The following PLXDC2 variants were observed in gnomAD, a reference collection of about 807,000 sequenced individuals.
PLXDC2 encodes plexin domain-containing protein 2.
PLXDC2 carries 40 observed loss-of-function variants against 68.9 expected under a neutral mutation model. That is an observed-to-expected ratio of 0.58 (90% confidence interval 0.45 to 0.76). The LOEUF (loss-of-function observed/expected upper bound fraction) is 0.76, where lower values mean the gene tolerates loss of function less well. Among genes scored for constraint, PLXDC2 ranks in the 30% least tolerant of loss-of-function variants. The pLI is 0.00. For synonymous variants in PLXDC2, 243 were observed against 234.2 expected (o/e 1.04, Z -0.34); for missense variants, 644 against 661.9 (o/e 0.97, Z 0.30).
At chr10:19,882,215 C>T (rs1023558045) in intron 1 of PLXDC2, among the ~76,000 whole-genome samples, 2 of 152,170 alleles carry the variant, frequency 1.3e-5, no homozygotes, top group South Asian at 2.1e-4. Flanking sequence ...CTTGTTTTTC[C>T]TCCTAAGATC....
intron 1 of PLXDC2, among the ~76,000 whole-genome samples, chr10:19,994,460 C>A (rs1356889511): frequency 6.6e-6 from 1 of 151,296 alleles, no homozygotes; most frequent in Non-Finnish European, 1.5e-5. Flanking sequence ...TCCCACATAG[C>A]TGGGACTGCA....
chr10:20,229,369 A>G (rs1171649426), intron 12 of PLXDC2, among the ~76,000 whole-genome samples: 2 of 152,126 alleles, frequency 1.3e-5, no homozygotes, highest in African/African-American at 4.8e-5. Context: ...CCAACTGCTG[A>G]TGTGTAAAAG....
At chr10:20,168,553 A>G (rs1423574251) in intron 7 of PLXDC2, among the ~76,000 whole-genome samples, 2 of 152,152 alleles carry the variant, frequency 1.3e-5, no homozygotes, top group East Asian at 1.9e-4. Flanking sequence ...ATGTCTCTTC[A>G]TAAGACTTAT....
chr10:20,047,467 A>G (rs771014707), intron 3 of PLXDC2, among the ~76,000 whole-genome samples: 2 of 152,148 alleles, frequency 1.3e-5, no homozygotes, highest in African/African-American at 4.8e-5. Context: ...ACATATATAG[A>G]CCAAATTATG....
Position 20,058,100 on chromosome 10 carries a change from G to T in PLXDC2, c.472-10070G>T, listed in dbSNP as rs1038350023. 9.9e-5 allele frequency among the ~76,000 whole-genome samples: 15 copies of T among 152,162 alleles called. No individual in the cohort carries two copies. In the East Asian group the frequency reaches 1.4e-3, roughly 14 times the overall value. ...CAGCAATTGAATTTTGAATTATTTA[G>T]TCACTTCGCTCATGAACTTTACCCA... is the stretch of plus-strand genomic sequence containing the variant. On this transcript the variant is annotated intron_variant, in intron 3 of 13. Transcript: ENST00000377252.
chr10:20,024,591 A>G (rs1023652373), intron 2 of PLXDC2, among the ~76,000 whole-genome samples: 1 of 152,060 alleles, frequency 6.6e-6, no homozygotes, highest in African/African-American at 2.4e-5. Flanking sequence ...TTCTTTTTTA[A>G]AAAATAATTT....
intron 9 of PLXDC2, among the ~76,000 whole-genome samples, 168 bp downstream of exon 9, chr10:20,177,577 C>T (rs1345772736): frequency 6.6e-6 from 1 of 151,978 alleles, no homozygotes; most frequent in Non-Finnish European, 1.5e-5. Flanking sequence ...TCAGCCTGGG[C>T]AACATAGCAA....
Position 20,245,359 on chromosome 10 carries a change from A to G in PLXDC2, c.1327A>G (p.Ser443Gly), listed in dbSNP as rs1194616906. ...LKDNGASTDD[S>G]AAEKKGGTLH... is the part of the protein sequence containing the mutation. ...TGTTCTTTCAGCTTCTACAGATGAC[A>G]GTGCAGCTGAGAAGAAAGGGGGAAC... is the stretch of plus-strand genomic sequence containing the variant. The change falls in exon 13 of 14, where the codon AGT (serine) becomes GGT (glycine). Residue 443 changes from serine (S) to glycine (G), a missense_variant. Coordinates refer to ENST00000377252, the MANE Select transcript of PLXDC2 (RefSeq NM_032812.9). 3.1e-6 allele frequency: 5 copies of G among 1,612,236 alleles called. No homozygotes were observed. The Admixed American group carries it at 8.4e-5, about 27-fold the overall frequency.
At chr10:20,077,218 A>T (rs76196764) in intron 4 of PLXDC2, among the ~76,000 whole-genome samples, 2,493 of 152,240 alleles carry the variant, frequency 0.016, 65 homozygotes, top group African/African-American at 0.056. Context: ...TAAAGATCCA[A>T]CCCCAAATGC....
chr10:20,053,838 G>A (rs976358816), intron 3 of PLXDC2, among the ~76,000 whole-genome samples: 3 of 151,938 alleles, frequency 2.0e-5, no homozygotes, highest in Middle Eastern at 3.2e-3. Context: ...TGGAAGAAAG[G>A]GGGTAAAAAT....
intron 2 of PLXDC2, 126 bp from the exon 3 acceptor site, chr10:20,046,743 G>C (rs1283963968): frequency 1.1e-6 from 1 of 905,140 alleles, no homozygotes; most frequent in African/African-American, 1.7e-5. Context: ...ACTTCTCCTA[G>C]AGTATAGTTA....
At chr10:19,939,752 A>G (rs1833786345) in intron 1 of PLXDC2, among the ~76,000 whole-genome samples, 2 of 152,292 alleles carry the variant, frequency 1.3e-5, no homozygotes, top group South Asian at 4.1e-4. Context: ...TGGAAAGGAA[A>G]ATGGAACACA....
At chr10:20,148,795 T>A (rs1350802933) in intron 6 of PLXDC2, among the ~76,000 whole-genome samples, 1 of 152,142 alleles carries the variant, frequency 6.6e-6, no homozygotes, top group East Asian at 1.9e-4. Flanking sequence ...ACTTTTTCCT[T>A]GAGAATTGAA....
At chr10:20,011,779 C>T (rs1359277176) in intron 2 of PLXDC2, among the ~76,000 whole-genome samples, 3 of 152,276 alleles carry the variant, frequency 2.0e-5, no homozygotes, top group African/African-American at 4.8e-5. Flanking sequence ...TATGGGGGAA[C>T]ATCAGAGCTA....
At chr10:19,929,771 A>G (rs747150629) in intron 1 of PLXDC2, among the ~76,000 whole-genome samples, 1 of 152,238 alleles carries the variant, frequency 6.6e-6, no homozygotes, top group Non-Finnish European at 1.5e-5. Context: ...TGTTGGTTGC[A>G]TGTCCCAAGG....
chr10:20,064,701 T>C lies in PLXDC2; in HGVS notation c.472-3469T>C, dbSNP rs1313822218. Among the ~76,000 whole-genome samples the C allele has an allele frequency of 3.9e-5, 6 of 152,254 alleles. No individual in the cohort carries two copies. In the East Asian group the frequency reaches 1.2e-3, roughly 30 times the overall value. On this transcript the variant is annotated intron_variant, in intron 3 of 13. Transcript: ENST00000377252. ...ATTCATAATCTCAATTGGTGACCTG[T>C]GGTTCACCAGTCAACCAGCTAGAAA...
At chr10:19,959,833 A>G (rs949794267) in intron 1 of PLXDC2, among the ~76,000 whole-genome samples, 3 of 152,150 alleles carry the variant, frequency 2.0e-5, no homozygotes, top group Non-Finnish European at 4.4e-5. Context: ...CCCCAATTCT[A>G]TGACCTATAG....
In PLXDC2 at chr10:19,919,561, G is replaced by A. The variant is rs761771895; in HGVS notation, c.113-82214G>A. 3.4e-4 allele frequency among the ~76,000 whole-genome samples: 52 copies of A among 152,296 alleles called. 1 individual carries two copies. The highest frequency in any genetic ancestry group is 3.4e-3 in the Middle Eastern group (1 of 294). On this transcript the variant is annotated intron_variant, in intron 1 of 13. Coordinates refer to ENST00000377252, the MANE Select transcript of PLXDC2 (RefSeq NM_032812.9). Reference sequence around the variant, plus strand: ...AGTCTACCCAGTTAAAAAACAAGAAGCAAAATGAATTCAGAGAAAGACAGC... The same window carrying A: ...AGTCTACCCAGTTAAAAAACAAGAAACAAAATGAATTCAGAGAAAGACAGC...
chr10:19,981,846 G>A (rs549810690), intron 1 of PLXDC2, among the ~76,000 whole-genome samples: 4 of 152,256 alleles, frequency 2.6e-5, no homozygotes, highest in African/African-American at 7.2e-5. Context: ...TGTGGAGTTC[G>A]AGCAAAATTG....
Sources: allele counts gnomAD v4.1 joint callset (sites outside exome capture counted in the v4.1 genomes callset), GRCh38; gene constraint gnomAD v4.1.1; transcripts MANE v1.5; gene names NCBI Gene and HGNC (gene_info 2026-07-23, HGNC 2026-07-21).